DOCK8: variants seen among roughly 807,000 people sequenced by gnomAD.
DOCK8 encodes dedicator of cytokinesis protein 8.
DOCK8 carries 141 observed loss-of-function variants against 245.6 expected under a neutral mutation model. The ratio of observed to expected loss-of-function variants is 0.57; its 90% CI spans 0.50 to 0.66. The LOEUF (loss-of-function observed/expected upper bound fraction) is 0.66. DOCK8 is among the 30% of genes least tolerant of loss of function. The pLI, the probability that DOCK8 is intolerant of heterozygous loss-of-function variation, is 0.00. For missense variants in DOCK8, 2,965 were observed against 2,603.4 expected (o/e 1.14, Z -3.02); for synonymous variants, 1,168 against 970.2 (o/e 1.20, Z -3.79).
chr9:283,324 C>T (rs186387683), intron 2 of DOCK8, among the ~76,000 whole-genome samples: 16 of 152,316 alleles, frequency 1.1e-4, no homozygotes, highest in African/African-American at 1.7e-4. Flanking sequence ...GCCTCCATGA[C>T]GCCACAAGTG....
At chr9:392,966 G>T (rs113663424) in intron 24 of DOCK8, among the ~76,000 whole-genome samples, 3,561 of 151,554 alleles carry the variant, frequency 0.023, 139 homozygotes, top group African/African-American at 0.081. Context: ...TGTGCTTGTA[G>T]TCTCAGTTAC....
At chr9:214,506 GCCTTACGAAT>G, upstream of DOCK8, 1 of 1,612,404 alleles carries the variant, frequency 6.2e-7, no homozygotes, top group Non-Finnish European at 8.5e-7. Context: ...ATAACACCTA[GCCTTACGAAT>G]CCCTGGGGTG....
intron 18 of DOCK8, among the ~76,000 whole-genome samples, chr9:375,181 T>G (rs756368373): frequency 2.0e-5 from 3 of 152,210 alleles, no homozygotes; most frequent in Non-Finnish European, 4.4e-5. Flanking sequence ...AGCTTTTGAC[T>G]GCTTCAGATA....
chr9:411,519 G>T (rs1015359033), intron 28 of DOCK8, among the ~76,000 whole-genome samples: 3 of 152,030 alleles, frequency 2.0e-5, no homozygotes, highest in African/African-American at 7.2e-5. Flanking sequence ...ATTTTTAAAA[G>T]AATTAATTCT....
At chr9:432,134 C>G in intron 36 of DOCK8, 32 bp from the exon 37 acceptor site, 1 of 1,562,500 alleles carries the variant, frequency 6.4e-7, no homozygotes, top group Non-Finnish European at 8.6e-7. Context: ...GTCTTATTTA[C>G]TTCATCTTTT....
In DOCK8 at chr9:420,496, T is replaced by C. The variant is rs746351543; in HGVS notation, c.3936T>C (p.Ile1312=). Residue 1312 remains isoleucine (I), a synonymous_variant, in exon 31 of 48, where the codon ATT becomes ATC. Coordinates refer to ENST00000432829, the MANE Select transcript of DOCK8 (RefSeq NM_203447.4). ...TGAAAAATGCTGATCAGAGCCTCAT[T>C]AGGAAGTGGATTGCTGACCTGCCAT... is the stretch of plus-strand genomic sequence containing the variant. The part of the protein sequence containing the change: ...WIMKNADQSL[I]RKWIADLPST... The C allele has an allele frequency of 1.2e-6, 2 of 1,614,088 alleles. No individual in the cohort carries two copies. The highest frequency in any genetic ancestry group is 1.7e-6 in the Non-Finnish European group (2 of 1,180,010).
chr9:332,131 A>C (rs1181613059), intron 9 of DOCK8, among the ~76,000 whole-genome samples: 1 of 152,216 alleles, frequency 6.6e-6, no homozygotes, highest in Non-Finnish European at 1.5e-5. Context: ...TAAAAATCAC[A>C]CATAATCCCA....
At chr9:237,500 C>T (rs765957383) in intron 1 of DOCK8, among the ~76,000 whole-genome samples, 25 of 152,072 alleles carry the variant, frequency 1.6e-4, no homozygotes, top group Admixed American at 3.3e-4. Flanking sequence ...ACAAAAAATA[C>T]AAAAATTAGC....
chr9:337,043 C>T (rs915779838), intron 12 of DOCK8, among the ~76,000 whole-genome samples: 1 of 152,040 alleles, frequency 6.6e-6, no homozygotes, highest in East Asian at 1.9e-4. Flanking sequence ...GTCTCTCTTC[C>T]TGTTCTTATA....
At chr9:342,118 T>C (rs1356308001) in intron 14 of DOCK8, among the ~76,000 whole-genome samples, 3 of 152,048 alleles carry the variant, frequency 2.0e-5, no homozygotes, top group African/African-American at 7.2e-5. Context: ...GCACGATAAA[T>C]GGAATGTGCT....
intron 18 of DOCK8, among the ~76,000 whole-genome samples, chr9:373,901 T>C (rs143258499): frequency 6.6e-6 from 1 of 152,176 alleles, no homozygotes; most frequent in African/African-American, 2.4e-5. Flanking sequence ...AGTTGCACAC[T>C]CTAATTTCTT....
chr9:403,847 C>A (rs1027892255), intron 26 of DOCK8, among the ~76,000 whole-genome samples: 1 of 132,336 alleles, frequency 7.6e-6, no homozygotes. Flanking sequence ...TTCAACAGAG[C>A]AAGACTCTGT....
At chr9:422,998 AAAAAAG>A (rs1187867972) in intron 33 of DOCK8, among the ~76,000 whole-genome samples, 1 of 151,816 alleles carries the variant, frequency 6.6e-6, no homozygotes, top group Non-Finnish European at 1.5e-5. Context: ...AAAAAAAAAA[AAAAAAG>A]AACCTCAAAT....
At chr9:289,989 C>A (rs2048973200) in intron 4 of DOCK8, among the ~76,000 whole-genome samples, 1 of 152,198 alleles carries the variant, frequency 6.6e-6, no homozygotes, top group Non-Finnish European at 1.5e-5. Context: ...CCCTCCCTGG[C>A]AACCACTTTC....
chr9:399,534 A>G (rs925227275), intron 26 of DOCK8, among the ~76,000 whole-genome samples: 5 of 152,122 alleles, frequency 3.3e-5, no homozygotes, highest in African/African-American at 1.2e-4. Flanking sequence ...TGAATCTTCA[A>G]TTTGACATTC....
intron 1 of DOCK8, among the ~76,000 whole-genome samples, chr9:266,803 T>C (rs2048044592): frequency 6.6e-6 from 1 of 152,218 alleles, no homozygotes; most frequent in Non-Finnish European, 1.5e-5. Flanking sequence ...GAGGATAATA[T>C]TTATAAACTA....
chr9:400,887 CCACCACCTCCCCCACTACCAA>C (rs1564016123), intron 26 of DOCK8, among the ~76,000 whole-genome samples: 1 of 100,342 alleles, frequency 1.0e-5, no homozygotes, highest in Non-Finnish European at 2.0e-5. Context: ...ACCTCCACCA[CCACCACCTCCCCCACTACCAA>C]CAGCTCCTTC....
chr9:402,433 G>A (rs1422704557), intron 26 of DOCK8, among the ~76,000 whole-genome samples: 2 of 152,192 alleles, frequency 1.3e-5, no homozygotes, highest in Non-Finnish European at 2.9e-5. Context: ...AACTAGGCTG[G>A]ATTAGATTTA....
intron 4 of DOCK8, among the ~76,000 whole-genome samples, chr9:297,861 TAGA>T: frequency 6.6e-6 from 1 of 152,308 alleles, no homozygotes; most frequent in Non-Finnish European, 1.5e-5. Context: ...CACACAGTCA[TAGA>T]AGATGCTAGT....
Sources: allele counts gnomAD v4.1 joint callset (sites outside exome capture counted in the v4.1 genomes callset), GRCh38; gene constraint gnomAD v4.1.1; transcripts MANE v1.5; gene names NCBI Gene and HGNC (gene_info 2026-07-23, HGNC 2026-07-21).